PMPCB: variants seen among roughly 807,000 people sequenced by gnomAD.
The protein encoded by PMPCB is mitochondrial-processing peptidase subunit beta.
Under a neutral mutation model 61.5 loss-of-function variants are expected in PMPCB, and 46 were observed. The ratio of observed to expected loss-of-function variants is 0.75; its 90% CI spans 0.59 to 0.96. The LOEUF (loss-of-function observed/expected upper bound fraction) is 0.96. PMPCB is among the 40% of genes least tolerant of loss of function. PMPCB has a pLI of 0.00. For synonymous variants in PMPCB, 191 were observed against 201.6 expected, an observed-to-expected ratio of 0.95 and a Z score of 0.44; for missense variants, 590 against 602.4, an observed-to-expected ratio of 0.98 and a Z score of 0.22.
At chr7:103,315,952 G>T (rs745841240), downstream of PMPCB, 5 of 1,534,134 alleles carry the variant, frequency 3.3e-6, no homozygotes, top group Non-Finnish European at 4.5e-6. Context: ...TTAAAAATAG[G>T]TGTTTAAAGT....
chr7:103,308,525 G>A (rs1320107247), intron 7 of PMPCB, among the ~76,000 whole-genome samples: 1 of 152,144 alleles, frequency 6.6e-6, no homozygotes, highest in Non-Finnish European at 1.5e-5. Flanking sequence ...GGGAGGCTGA[G>A]GCAAAATTGC....
downstream of PMPCB, among the ~76,000 whole-genome samples, chr7:103,319,361 C>T (rs866874613): frequency 1.3e-5 from 2 of 151,548 alleles, no homozygotes; most frequent in African/African-American, 2.4e-5. Flanking sequence ...CACTTGAACC[C>T]GGGAGGCGGA....
the PMPCB span, chr7:103,336,066 C>T: frequency 6.6e-6 from 1 of 152,490 alleles, no homozygotes. Context: ...ACTCAAGAGG[C>T]TGAGGCAGGA....
the PMPCB span, among the ~76,000 whole-genome samples, chr7:103,345,451 A>G: frequency 6.6e-6 from 1 of 152,162 alleles, no homozygotes; most frequent in African/African-American, 2.4e-5. Flanking sequence ...AAAAACAAAC[A>G]GTGGGTAAAG....
At chr7:103,345,727 A>T in the PMPCB span, among the ~76,000 whole-genome samples, 2 of 151,730 alleles carry the variant, frequency 1.3e-5, no homozygotes, top group Admixed American at 1.3e-4. Context: ...AAACTCTGGG[A>T]TTAGAGGCGT....
intron 7 of PMPCB, among the ~76,000 whole-genome samples, chr7:103,308,376 C>G (rs768703032): frequency 5.8e-4 from 89 of 152,200 alleles, no homozygotes; most frequent in Non-Finnish European, 1.8e-4. Context: ...AATCCCAGCA[C>G]TTGGAGAGGC....
At chr7:103,345,080 G>T in the PMPCB span, 4 of 290,334 alleles carry the variant, frequency 1.4e-5, no homozygotes, top group African/African-American at 8.6e-5. Flanking sequence ...AGTAAAAAAT[G>T]AAAATACCTG....
intron 5 of PMPCB, 128 bp from the exon 6 acceptor site, chr7:103,304,283 T>G: frequency 2.9e-6 from 2 of 682,992 alleles, no homozygotes; most frequent in Non-Finnish European, 5.2e-6. Flanking sequence ...TTCTTTGATG[T>G]GTTGCCTGTA....
At chr7:103,308,821 A>G (rs1001789226) in intron 7 of PMPCB, 131 bp from the exon 8 acceptor site, 1 of 600,560 alleles carries the variant, frequency 1.7e-6, no homozygotes. Context: ...CTGATAGTTA[A>G]AAAATCAAAA....
rs749454527 is a variant in PMPCB at position 103,313,308 on chromosome 7, C to A, written c.*1037C>A. ...TAGCTCACATCCCAGAAAATAAAAT[C>A]TCAAAGGCTTTTAAAACACAATAGT... On this transcript the variant is annotated 3_prime_UTR_variant, in exon 13 of 13. Coordinates refer to ENST00000249269, the MANE Select transcript of PMPCB (RefSeq NM_004279.3). 27 of 1,317,708 alleles carry A rather than the reference C, an allele frequency of 2.0e-5. No homozygotes were observed. The highest frequency in any genetic ancestry group is 2.4e-5 in the Non-Finnish European group (25 of 1,037,724). The allele number at this position is 1,317,708 out of a possible 1,614,324, so 81.6% of individuals were successfully genotyped here.
chr7:103,344,178 G>A, the PMPCB span: 1 of 230,820 alleles, frequency 4.3e-6, no homozygotes, highest in Non-Finnish European at 8.4e-6. Flanking sequence ...AGCGCCAGTA[G>A]CAAAGCTTTG....
chr7:103,323,863 C>T (rs774415508), intron 12 of PMPCB, among the ~76,000 whole-genome samples: 8 of 152,164 alleles, frequency 5.3e-5, no homozygotes, highest in Non-Finnish European at 1.0e-4. Flanking sequence ...ATAATCAAAA[C>T]CACACCGCCC....
chr7:103,322,982 T>G (rs1007908067), intron 12 of PMPCB, among the ~76,000 whole-genome samples: 1 of 150,732 alleles, frequency 6.6e-6, no homozygotes, highest in Non-Finnish European at 1.5e-5. Context: ...CAGGCTGGAG[T>G]GCAATGGCGT....
downstream of PMPCB, chr7:103,315,907 A>G: frequency 6.5e-7 from 1 of 1,542,156 alleles, no homozygotes. Flanking sequence ...TTAACAGATC[A>G]TCATTTAATC....
chr7:103,323,080 T>C (rs1404043057), intron 12 of PMPCB, among the ~76,000 whole-genome samples: 2 of 152,060 alleles, frequency 1.3e-5, no homozygotes, highest in African/African-American at 4.8e-5. Flanking sequence ...CAGGTGCCTG[T>C]CACCATGCCT....
At chr7:103,337,924 C>T in the PMPCB span, 3 of 731,598 alleles carry the variant, frequency 4.1e-6, no homozygotes, top group African/African-American at 5.3e-5. Context: ...ATCAGGAGTC[C>T]AGTAAGAGGT....
chr7:103,314,567 T>C lies in PMPCB; in HGVS notation c.*2296T>C. On this transcript the variant is annotated 3_prime_UTR_variant, in exon 13 of 13. Coordinates refer to ENST00000249269, the MANE Select transcript of PMPCB (RefSeq NM_004279.3). ...GACTAGTGTGCTAATACCTGTTGTA[T>C]TTTGTGGAGATAAAGGTGCAGGAGA... is the stretch of plus-strand genomic sequence containing the variant. The C allele has an allele frequency of 2.0e-6, 2 of 985,372 alleles. No individual in the cohort carries two copies. The highest frequency in any genetic ancestry group is 2.4e-6 in the Non-Finnish European group (2 of 829,882). 61.0% of individuals were successfully genotyped at this position (985,372 alleles called of 1,614,324 possible).
At chr7:103,323,885 CTTTG>C (rs1563463298) in intron 12 of PMPCB, among the ~76,000 whole-genome samples, 1 of 152,138 alleles carries the variant, frequency 6.6e-6, no homozygotes, top group African/African-American at 2.4e-5. Context: ...GCTATCTCTT[CTTTG>C]TTAGGTTTTT....
downstream of PMPCB, chr7:103,316,357 T>C (rs1447295159): frequency 7.2e-6 from 2 of 278,902 alleles, no homozygotes; most frequent in Non-Finnish European, 1.3e-5. Flanking sequence ...ACCACTTATT[T>C]GTGTATACTG....
Sources: allele counts gnomAD v4.1 joint callset (sites outside exome capture counted in the v4.1 genomes callset), GRCh38; gene constraint gnomAD v4.1.1; transcripts MANE v1.5; gene names NCBI Gene and HGNC (gene_info 2026-07-23, HGNC 2026-07-21).